KIFC3: variants seen among roughly 807,000 people sequenced by gnomAD.
KIFC3 encodes the protein kinesin family member C3.
KIFC3 carries 60 observed loss-of-function variants against 101.8 expected under a neutral mutation model. The ratio of observed to expected loss-of-function variants is 0.59; its 90% confidence interval spans 0.48 to 0.73. The LOEUF (loss-of-function observed/expected upper bound fraction) is 0.73. Among genes scored for constraint, KIFC3 ranks in the 30% least tolerant of loss-of-function variants. KIFC3 has a pLI of 0.00. For synonymous variants in KIFC3, 476 were observed against 482.7 expected (o/e 0.99, Z 0.18); for missense variants, 966 against 1,137.1 (o/e 0.85, Z 2.16).
chr16:57,811,932 AAAAAG>A (rs1247229137), intron 1 of KIFC3, among the ~76,000 whole-genome samples: 2 of 151,396 alleles, frequency 1.3e-5, no homozygotes, highest in Non-Finnish European at 2.9e-5. Context: ...AAAAAAAAAA[AAAAAG>A]AAGATTGAGG....
intron 1 of KIFC3, among the ~76,000 whole-genome samples, chr16:57,857,900 C>T (rs1274004497): frequency 1.5e-5 from 2 of 136,842 alleles, no homozygotes; most frequent in South Asian, 2.4e-4. Flanking sequence ...GATCTCGGCT[C>T]ACTGCAACTT....
upstream of KIFC3, among the ~76,000 whole-genome samples, chr16:57,806,155 C>G (rs538318484): frequency 6.6e-6 from 1 of 152,194 alleles, no homozygotes; most frequent in Non-Finnish European, 1.5e-5. Context: ...AATGAAAAGT[C>G]AGATTGTGTT....
At chr16:57,797,635 C>T in intron 2 of KIFC3, 1 of 1,038,544 alleles carries the variant, frequency 9.6e-7, no homozygotes. Flanking sequence ...CTCCCAACGC[C>T]GTCCAGGGGC....
intron 1 of KIFC3, among the ~76,000 whole-genome samples, chr16:57,861,721 G>T (rs1484532276): frequency 6.6e-6 from 1 of 152,144 alleles, no homozygotes; most frequent in African/African-American, 2.4e-5. Context: ...ATTTTGGGAG[G>T]CCAAGGCTGG....
In KIFC3 at chr16:57,761,516, G is replaced by T; in HGVS notation, c.1769C>A (p.Pro590His). Residue 590 changes from proline (P) to histidine (H), a missense_variant, in exon 14 of 20, where the codon CCT becomes CAT. This residue lies in a region of KIFC3 where 689 missense variants were observed against 884.6 expected (regional missense o/e 0.78). Coordinates refer to ENST00000445690, the MANE Select transcript of KIFC3 (RefSeq NM_001130100.2). Reference protein sequence around the residue: ...EVLRDLLGKEPQEKLEIRLCP... With the variant: ...EVLRDLLGKEHQEKLEIRLCP... ...CAGCCGGATCTCCAGTTTTTCCTGA[G>T]GCTCTTTCCCTAGCAGGTCCCTGGA... 11 of 1,613,566 alleles carry T rather than the reference G, an allele frequency of 6.8e-6. No individual in the cohort carries two copies. The highest frequency in any genetic ancestry group is 9.3e-6 in the Non-Finnish European group (11 of 1,179,814).
chr16:57,843,222 C>T (rs1422204144), intron 1 of KIFC3, among the ~76,000 whole-genome samples: 1 of 152,146 alleles, frequency 6.6e-6, no homozygotes, highest in East Asian at 1.9e-4. Context: ...AAGAATCTCA[C>T]AGGCAAATCA....
At chr16:57,826,113 A>C (rs782784550) in intron 1 of KIFC3, among the ~76,000 whole-genome samples, 1 of 152,244 alleles carries the variant, frequency 6.6e-6, no homozygotes, top group African/African-American at 2.4e-5. Context: ...CATTGCCACC[A>C]GTGGCTGGAG....
At chr16:57,838,840 T>C (rs2055749266) in intron 1 of KIFC3, among the ~76,000 whole-genome samples, 1 of 152,202 alleles carries the variant, frequency 6.6e-6, no homozygotes, top group Non-Finnish European at 1.5e-5. Context: ...GTGGCGTCTC[T>C]GTGTGTGGAA....
upstream of KIFC3, chr16:57,803,048 C>A (rs1425905850): frequency 6.5e-7 from 1 of 1,535,654 alleles, no homozygotes; most frequent in Non-Finnish European, 8.7e-7. Context: ...CGCTCTCACT[C>A]GCTCCACCAC....
intron 1 of KIFC3, among the ~76,000 whole-genome samples, chr16:57,860,093 A>AAAATAAAAAC (rs1567349244): frequency 7.9e-6 from 1 of 126,170 alleles, no homozygotes; most frequent in Non-Finnish European, 1.8e-5. Context: ...AAAATAAAAT[A>AAAATAAAAAC]AAAACAAGTG....
At chr16:57,784,723 TCAGATACAGCCA>T (rs2053133161) in intron 3 of KIFC3, among the ~76,000 whole-genome samples, 1 of 151,930 alleles carries the variant, frequency 6.6e-6, no homozygotes, top group African/African-American at 2.4e-5. Context: ...TGGGCGAGGC[TCAGATACAGCCA>T]CAGAGACAGA....
intron 1 of KIFC3, among the ~76,000 whole-genome samples, chr16:57,842,209 A>C (rs867305145): frequency 6.6e-6 from 1 of 152,124 alleles, no homozygotes; most frequent in African/African-American, 2.4e-5. Context: ...CAAAAAAAAA[A>C]ATAAAAAATC....
rs797031930 is a variant in KIFC3, at chr16:57,795,884, G to GTTTTTTTTTT, written c.173-753_173-744dup. The stretch of plus-strand genomic sequence containing the variant: ...ACATTCTGTTTTTTTGGGCTTTTTT[G>GTTTTTTTTTT]TTTTTTTTTTTTTTTTTTTTTTTTT... On this transcript the variant is annotated intron_variant, in intron 2 of 19. Transcript: ENST00000445690. Among the ~76,000 whole-genome samples, 23 of 58,778 alleles carry GTTTTTTTTTT rather than the reference G, an allele frequency of 3.9e-4. 1 individual carries two copies. Among genetic ancestry groups the GTTTTTTTTTT allele is most frequent in the East Asian group, 9.2e-4 (2 of 2,174 alleles). 38.6% of individuals were successfully genotyped at this position (58,778 alleles called of 152,430 possible). A position where few individuals can be genotyped will look rare whatever the true frequency, so the allele number is the denominator to read the frequency against.
At chr16:57,764,119 C>T (rs782087744) in intron 12 of KIFC3, 24 bp downstream of exon 12, 1 of 1,553,502 alleles carries the variant, frequency 6.4e-7, no homozygotes, top group South Asian at 1.1e-5. Context: ...ACTGTGAACC[C>T]CCACCCCATT....
chr16:57,762,798 C>T (rs573557232), intron 12 of KIFC3, among the ~76,000 whole-genome samples: 1 of 152,334 alleles, frequency 6.6e-6, no homozygotes, highest in South Asian at 2.1e-4. Context: ...CTGGCCCTCA[C>T]CCCTCTTCTG....
intron 1 of KIFC3, chr16:57,816,479 C>T (rs910236960): frequency 3.9e-5 from 18 of 457,752 alleles, no homozygotes; most frequent in African/African-American, 3.0e-4. Context: ...GCCGAAGTGA[C>T]TCACGGGCCC....
chr16:57,856,436 G>T (rs9938048), intron 1 of KIFC3, among the ~76,000 whole-genome samples: 1 of 147,308 alleles, frequency 6.8e-6, no homozygotes, highest in African/African-American at 2.5e-5. Flanking sequence ...ATTCCAGCCT[G>T]GGTGACAGAG....
At chr16:57,772,187 G>A in intron 4 of KIFC3, 36 bp downstream of exon 4, 5 of 1,596,192 alleles carry the variant, frequency 3.1e-6, no homozygotes, top group Non-Finnish European at 4.3e-6. Flanking sequence ...GGCAGGCCAG[G>A]CCCTGCGCTA....
intron 9 of KIFC3, among the ~76,000 whole-genome samples, chr16:57,767,623 A>C (rs1014361713): frequency 1.3e-5 from 2 of 152,074 alleles, no homozygotes; most frequent in South Asian, 4.1e-4. Flanking sequence ...TATAACCTAC[A>C]CACATCCTCC....
Sources: gnomAD v4.1 joint callset for allele counts (sites outside exome capture counted in the v4.1 genomes callset) on GRCh38, gnomAD v4.1.1 for gene constraint, gnomAD v4.1.1 regional missense constraint, MANE v1.5 for transcripts, NCBI Gene and HGNC (gene_info 2026-07-23, HGNC 2026-07-21) for gene names.